The following FER1L6 variants were observed in gnomAD, a reference collection of about 807,000 sequenced individuals.
FER1L6 encodes the protein fer-1 like family member 6.
FER1L6 carries 177 observed loss-of-function variants against 219.2 expected under a neutral mutation model. That is an observed-to-expected ratio of 0.81 (90% CI 0.71 to 0.91). FER1L6 has a LOEUF of 0.91. Ranked by LOEUF, FER1L6 falls within the 40% of genes least tolerant of loss-of-function variation. The probability of loss-of-function intolerance (pLI) is 0.00; values close to 1 mark genes in which losing one functional copy is unlikely to be tolerated. For missense variants in FER1L6, 2,153 were observed against 2,259.9 expected, an observed-to-expected ratio of 0.95 and a Z score of 0.96; for synonymous variants, 768 against 824.3, an observed-to-expected ratio of 0.93 and a Z score of 1.17.
intron 12 of FER1L6, among the ~76,000 whole-genome samples, chr8:123,993,982 C>T (rs542975169): frequency 2.6e-5 from 4 of 152,314 alleles, no homozygotes; most frequent in African/African-American, 7.2e-5. Context: ...AGACTTAGGA[C>T]CTCCTGTTTA....
chr8:123,858,061 T>G (rs1203925704), intron 1 of FER1L6, among the ~76,000 whole-genome samples: 1 of 152,132 alleles, frequency 6.6e-6, no homozygotes, highest in Non-Finnish European at 1.5e-5. Flanking sequence ...GGGTCATCCC[T>G]TCCCCTCCTT....
At chr8:123,889,370 T>A (rs1037096758) in intron 1 of FER1L6, among the ~76,000 whole-genome samples, 10 of 152,184 alleles carry the variant, frequency 6.6e-5, no homozygotes, top group African/African-American at 2.4e-4. Context: ...TTTGTGTAAC[T>A]TAAAATTATT....
intron 10 of FER1L6, among the ~76,000 whole-genome samples, chr8:123,979,710 CAA>C (rs1426331480): frequency 3.9e-5 from 6 of 152,334 alleles, no homozygotes; most frequent in African/African-American, 1.4e-4. Context: ...CACCCTAGTT[CAA>C]GACGCTGGTC....
intron 25 of FER1L6, among the ~76,000 whole-genome samples, chr8:124,063,657 A>G (rs1820694147): frequency 6.6e-6 from 1 of 152,160 alleles, no homozygotes; most frequent in African/African-American, 2.4e-5. Flanking sequence ...TATGCCCAGT[A>G]TGGAGTAGAT....
At chr8:123,872,104 G>A (rs1373007462) in intron 1 of FER1L6, among the ~76,000 whole-genome samples, 2 of 152,026 alleles carry the variant, frequency 1.3e-5, no homozygotes, top group East Asian at 3.9e-4. Context: ...TGGCAGGAGT[G>A]AGAGAGAGAG....
chr8:124,116,859 T>G (rs557754847), intron 39 of FER1L6, among the ~76,000 whole-genome samples: 2 of 152,348 alleles, frequency 1.3e-5, no homozygotes, highest in Admixed American at 6.5e-5. Flanking sequence ...AGTTTTGGAC[T>G]TATTTCTTGA....
chr8:124,080,011 A>G (rs1821467042), intron 32 of FER1L6, among the ~76,000 whole-genome samples: 1 of 152,170 alleles, frequency 6.6e-6, no homozygotes, highest in South Asian at 2.1e-4. Context: ...TCCCCACTGG[A>G]AAGAAATTGT....
rs1207834706 is a variant in FER1L6, at chr8:124,035,299, G to C, written c.2309G>C (p.Gly770Ala). The part of the protein sequence containing the change: ...FLKPPGKRPA[G>A]WSVQAKVDVY... The stretch of plus-strand genomic sequence containing the variant: ...CAGCCTCCTGGGAAACGACCGGCTG[G>C]TTGGTCTGTGCAAGCAAAAGTCGAC... Residue 770 changes from glycine to alanine, a missense_variant, in exon 19 of 41, where the codon GGT (glycine) becomes GCT (alanine). By Grantham distance (60) the Gly-to-Ala change is moderately conservative. Coordinates refer to ENST00000522917, the MANE Select transcript of FER1L6 (RefSeq NM_001039112.2). 6.2e-7 allele frequency: 1 copy of C among 1,613,884 alleles called. No homozygotes were observed. The highest frequency in any genetic ancestry group is 8.5e-7 in the Non-Finnish European group (1 of 1,179,898).
intron 32 of FER1L6, 139 bp downstream of exon 32, chr8:124,076,464 A>T: frequency 1.2e-6 from 1 of 808,612 alleles, no homozygotes; most frequent in Non-Finnish European, 2.0e-6. Flanking sequence ...TGCTCTTGGT[A>T]ATAACCAACC....
At chr8:123,904,468 G>A (rs778118712) in intron 1 of FER1L6, among the ~76,000 whole-genome samples, 14 of 152,112 alleles carry the variant, frequency 9.2e-5, no homozygotes, top group Non-Finnish European at 1.8e-4. Flanking sequence ...AACTACTTAT[G>A]AGAGCCATAT....
intron 34 of FER1L6, among the ~76,000 whole-genome samples, chr8:124,092,486 C>T (rs1337425051): frequency 2.6e-5 from 4 of 152,090 alleles, no homozygotes; most frequent in Admixed American, 1.3e-4. Context: ...AACACCAAGT[C>T]GTAGATTTTC....
chr8:123,897,439 A>G (rs1394015253), intron 1 of FER1L6, among the ~76,000 whole-genome samples: 1 of 152,196 alleles, frequency 6.6e-6, no homozygotes, highest in Non-Finnish European at 1.5e-5. Flanking sequence ...AGGTTCTAGA[A>G]TCTGTTGACA....
intron 33 of FER1L6, among the ~76,000 whole-genome samples, chr8:124,085,223 C>CCAA (rs1821730775): frequency 6.6e-6 from 1 of 151,950 alleles, no homozygotes; most frequent in African/African-American, 2.4e-5. Context: ...TTTTGAAAAA[C>CCAA]CAACTTTTCA....
At chr8:123,912,537 C>T (rs550587666) in intron 1 of FER1L6, among the ~76,000 whole-genome samples, 134 of 129,384 alleles carry the variant, frequency 1.0e-3, no homozygotes, top group Middle Eastern at 3.4e-3. Flanking sequence ...TCCGAGAGAG[C>T]ATTGAGGTTT....
chr8:123,987,214 A>G (rs1264481397), intron 12 of FER1L6, among the ~76,000 whole-genome samples: 3 of 152,200 alleles, frequency 2.0e-5, no homozygotes, highest in African/African-American at 7.2e-5. Context: ...AAGCCATTTT[A>G]ACTGGGGTGA....
At chr8:123,856,308 A>ATGTATG (rs1264429990) in intron 1 of FER1L6, among the ~76,000 whole-genome samples, 1 of 64,222 alleles carries the variant, frequency 1.6e-5, no homozygotes, top group African/African-American at 6.0e-5. Context: ...ATATATATAT[A>ATGTATG]TGTATGTGTA....
intron 11 of FER1L6, among the ~76,000 whole-genome samples, 162 bp downstream of exon 11, chr8:123,980,973 C>A (rs190013127): frequency 2.6e-5 from 4 of 152,326 alleles, no homozygotes; most frequent in South Asian, 2.1e-4. Context: ...CCTCTGCCCC[C>A]TCTTGCACAC....
At chr8:123,876,664 A>G (rs1817009721) in intron 1 of FER1L6, among the ~76,000 whole-genome samples, 1 of 152,104 alleles carries the variant, frequency 6.6e-6, no homozygotes, top group South Asian at 2.1e-4. Context: ...ACCTTACAGA[A>G]AAAAAGCAAT....
In FER1L6 at chr8:123,966,042, T is replaced by A. The variant is rs1815519431; in HGVS notation, c.233T>A (p.Val78Asp). ...TTGACTAAGATCCATGATGGGGAGG[T>A]CAGATCCCAAAATTATCAAGTAAGT... ...KLLTKIHDGEVRSQNYQIAIT... is the reference protein window; with the variant it reads ...KLLTKIHDGEDRSQNYQIAIT... Residue 78 changes from valine to aspartate, a missense_variant, in exon 4 of 41, where the codon GTC (valine) becomes GAC (aspartate). Transcript: ENST00000522917. 3 of 1,613,504 alleles carry A rather than the reference T, an allele frequency of 1.9e-6. No individual in the cohort carries two copies. Among genetic ancestry groups the A allele is most frequent in the Middle Eastern group, 1.6e-4 (1 of 6,062 alleles).
Sources: allele counts gnomAD v4.1 joint callset (sites outside exome capture counted in the v4.1 genomes callset), GRCh38; gene constraint gnomAD v4.1.1; transcripts MANE v1.5; gene names NCBI Gene and HGNC (gene_info 2026-07-23, HGNC 2026-07-21).